Variants in NBEAL1 observed in about 807,000 individuals in gnomAD.
The protein encoded by NBEAL1 is neurobeachin like 1, also known as neurobeachin-like protein 1.
Under a neutral mutation model 351.3 loss-of-function variants are expected in NBEAL1, and 273 were observed. The observed-to-expected ratio is 0.78, with a 90% CI of 0.70 to 0.86. The LOEUF (loss-of-function observed/expected upper bound fraction) is 0.86, where lower values mean the gene tolerates loss of function less well. Among genes scored for constraint, NBEAL1 ranks in the 40% least tolerant of loss-of-function variants. NBEAL1 has a pLI of 0.00. For missense variants in NBEAL1, 2,961 were observed against 3,201.3 expected (o/e 0.92, Z 1.81); for synonymous variants, 1,050 against 1,086.4 (o/e 0.97, Z 0.66).
chr2:203,065,692 C>T (rs1011579983), intron 6 of NBEAL1, among the ~76,000 whole-genome samples: 1 of 151,896 alleles, frequency 6.6e-6, no homozygotes, highest in African/African-American at 2.4e-5. Context: ...GCGGAGCTTG[C>T]AGTGAGCCGA....
intron 35 of NBEAL1, among the ~76,000 whole-genome samples, chr2:203,153,192 G>A (rs2063707053): frequency 6.6e-6 from 1 of 152,048 alleles, no homozygotes; most frequent in African/African-American, 2.4e-5. Flanking sequence ...GATTGCAGAG[G>A]CTTGAACATG....
chr2:203,154,819 G>A (rs2063754965), intron 35 of NBEAL1, among the ~76,000 whole-genome samples: 1 of 150,416 alleles, frequency 6.6e-6, no homozygotes, highest in African/African-American at 2.4e-5. Context: ...GCACATACTT[G>A]TAGTTGGAGC....
chr2:203,206,650 AC>A, intron 51 of NBEAL1, among the ~76,000 whole-genome samples: 1 of 151,940 alleles, frequency 6.6e-6, no homozygotes. Flanking sequence ...CCAGCTCCTG[AC>A]CGCGAGTGAT....
At position 203,016,416 on chromosome 2, in the gene NBEAL1, G is replaced by T; in HGVS notation, c.32G>T (p.Trp11Leu). ...TCCAGAGAGAGGCTCTTTGAACTTT[G>T]GATGCTTTATTGTACAAAGGTAATT... Reference protein sequence around the residue: MASRERLFELWMLYCTKKDPD... With the variant: MASRERLFELLMLYCTKKDPD... Residue 11 changes from tryptophan (W) to leucine (L), a missense_variant, in exon 2 of 56, where the codon TGG (tryptophan) becomes TTG (leucine). Physicochemically the swap from Trp to Leu is moderately conservative, Grantham distance 61. Coordinates refer to ENST00000683969, the MANE Select transcript of NBEAL1 (RefSeq NM_001378026.1). 1 of 1,490,806 alleles carries T rather than the reference G, an allele frequency of 6.7e-7. No individual in the cohort carries two copies. Among genetic ancestry groups the T allele is most frequent in the Non-Finnish European group, 9.0e-7 (1 of 1,105,300 alleles). 92.3% of individuals were successfully genotyped at this position (1,490,806 alleles called of 1,614,324 possible). A position where few individuals can be genotyped will look rare whatever the true frequency, so the allele number is the denominator to read the frequency against.
chr2:203,087,001 CT>C (rs2061973126), intron 10 of NBEAL1, among the ~76,000 whole-genome samples: 1 of 151,298 alleles, frequency 6.6e-6, no homozygotes, highest in Non-Finnish European at 1.5e-5. Flanking sequence ...TCAAATACAG[CT>C]TTTTATTCTC....
At chr2:203,105,588 G>C (rs1012952496) in intron 12 of NBEAL1, among the ~76,000 whole-genome samples, 1 of 152,112 alleles carries the variant, frequency 6.6e-6, no homozygotes, top group Non-Finnish European at 1.5e-5. Flanking sequence ...TAGATGTGCC[G>C]ATTTTCACTA....
At chr2:203,189,688 A>G (rs2065009923) in intron 45 of NBEAL1, among the ~76,000 whole-genome samples, 1 of 151,622 alleles carries the variant, frequency 6.6e-6, no homozygotes, top group Non-Finnish European at 1.5e-5. Flanking sequence ...CCCCTGGCCC[A>G]ATAGAAACCT....
At chr2:203,107,583 T>G in intron 13 of NBEAL1, 25 bp from the exon 14 acceptor site, 13 of 1,545,958 alleles carry the variant, frequency 8.4e-6, no homozygotes, top group Non-Finnish European at 1.1e-5. Context: ...ATAACTAACC[T>G]TTTATCTTTT....
At chr2:203,180,140 A>G (rs1008900871) in intron 42 of NBEAL1, among the ~76,000 whole-genome samples, 1 of 152,170 alleles carries the variant, frequency 6.6e-6, no homozygotes, top group African/African-American at 2.4e-5. Context: ...TTGGTTTTCA[A>G]CTAATTCAAC....
chr2:203,119,424 C>CTTTTTTTTTTTTTTTTT lies in NBEAL1; in HGVS notation c.2593-2826_2593-2810dup, dbSNP rs57126638. 9.0e-4 allele frequency among the ~76,000 whole-genome samples: 60 copies of CTTTTTTTTTTTTTTTTT among 66,662 alleles called. 14 individuals carry two copies. Among genetic ancestry groups the CTTTTTTTTTTTTTTTTT allele is most frequent in the East Asian group, 1.4e-3 (2 of 1,434 alleles). 43.7% of individuals were successfully genotyped at this position (66,662 alleles called of 152,430 possible). On this transcript the variant is annotated intron_variant, in intron 18 of 55. Coordinates refer to ENST00000683969, the MANE Select transcript of NBEAL1 (RefSeq NM_001378026.1). Reference sequence around the variant, plus strand: ...GTGAGCCACTGCATACGGCCTGTTGCTTTTTTTTTTTTTTTTTTTTGAGAC... The same window carrying CTTTTTTTTTTTTTTTTT: ...GTGAGCCACTGCATACGGCCTGTTGCTTTTTTTTTTTTTTTTTTTTTTTTTTTTTTTTTTTTTGAGAC...
chr2:203,215,382 A>G (rs913930127), intron 55 of NBEAL1, among the ~76,000 whole-genome samples: 10 of 152,198 alleles, frequency 6.6e-5, no homozygotes, highest in African/African-American at 2.4e-4. Context: ...ACGTGCCTGT[A>G]GTCCCAGCTA....
chr2:203,155,056 A>G (rs2063762006), intron 35 of NBEAL1, among the ~76,000 whole-genome samples: 1 of 151,082 alleles, frequency 6.6e-6, no homozygotes, highest in Non-Finnish European at 1.5e-5. Flanking sequence ...ACCAGTCTGG[A>G]CAACATAATG....
chr2:203,058,932 C>T (rs2061451157), intron 6 of NBEAL1, among the ~76,000 whole-genome samples: 1 of 152,202 alleles, frequency 6.6e-6, no homozygotes, highest in Non-Finnish European at 1.5e-5. Flanking sequence ...GCACAGATTA[C>T]AAAGAAGTGT....
chr2:203,130,289 G>A (rs2063043927), intron 24 of NBEAL1, 29 bp from the exon 25 acceptor site: 1 of 1,506,488 alleles, frequency 6.6e-7, no homozygotes, highest in Admixed American at 2.5e-5. Context: ...GAATGTGGTG[G>A]TTTGTTTTGT....
At chr2:203,032,106 A>G (rs1409896818) in intron 2 of NBEAL1, among the ~76,000 whole-genome samples, 1 of 152,140 alleles carries the variant, frequency 6.6e-6, no homozygotes, top group Non-Finnish European at 1.5e-5. Context: ...TAAAGAATAG[A>G]AGGCTCTTGC....
chr2:203,192,119 G>A (rs1443077114), intron 46 of NBEAL1, among the ~76,000 whole-genome samples: 4 of 152,140 alleles, frequency 2.6e-5, no homozygotes, highest in East Asian at 3.9e-4. Flanking sequence ...CAGTTTGCTC[G>A]GAACCTCCAA....
At chr2:203,058,627 A>G (rs2106099035) in intron 6 of NBEAL1, among the ~76,000 whole-genome samples, 2 of 152,330 alleles carry the variant, frequency 1.3e-5, no homozygotes, top group East Asian at 3.9e-4. Flanking sequence ...ACAGGAACCA[A>G]CTGCCATTAC....
intron 42 of NBEAL1, among the ~76,000 whole-genome samples, chr2:203,175,844 T>A (rs1183278027): frequency 6.6e-6 from 1 of 152,196 alleles, no homozygotes; most frequent in African/African-American, 2.4e-5. Context: ...TTTGTCTCCA[T>A]GTTGCCTTAC....
At chr2:203,148,747 C>T (rs1485726224) in intron 33 of NBEAL1, among the ~76,000 whole-genome samples, 2 of 150,542 alleles carry the variant, frequency 1.3e-5, no homozygotes, top group East Asian at 1.9e-4. Context: ...AAGTTCTTCA[C>T]GTGTTTATTG....
Sources: allele counts gnomAD v4.1 joint callset (sites outside exome capture counted in the v4.1 genomes callset), GRCh38; gene constraint gnomAD v4.1.1; transcripts MANE v1.5; gene names NCBI Gene and HGNC (gene_info 2026-07-23, HGNC 2026-07-21).